The following PKHD1 variants were observed in gnomAD, a reference collection of about 807,000 sequenced individuals.
The protein encoded by PKHD1 is PKHD1 ciliary IPT domain containing fibrocystin/polyductin, also known as fibrocystin.
In PKHD1, 291 loss-of-function variants were observed where a neutral mutation model predicts 412.0. The ratio of observed to expected loss-of-function variants is 0.71; its 90% confidence interval spans 0.64 to 0.78. The LOEUF is 0.78. PKHD1 is among the 30% of genes least tolerant of loss of function. The probability of loss-of-function intolerance (pLI) is 0.00; values close to 1 mark genes in which losing one functional copy is unlikely to be tolerated. For missense variants in PKHD1, 4,825 were observed against 4,950.7 expected (o/e 0.97, Z 0.76); for synonymous variants, 1,777 against 1,821.5 (o/e 0.98, Z 0.62).
intron 53 of PKHD1, among the ~76,000 whole-genome samples, chr6:51,781,891 T>C (rs1792073301): frequency 6.6e-6 from 1 of 151,970 alleles, no homozygotes; most frequent in Non-Finnish European, 1.5e-5. Flanking sequence ...CTTATTTCAA[T>C]GGCCAGCCCA....
intron 29 of PKHD1, among the ~76,000 whole-genome samples, chr6:52,031,764 A>G (rs1275623520): frequency 4.6e-5 from 7 of 152,164 alleles, no homozygotes; most frequent in Non-Finnish European, 1.0e-4. Flanking sequence ...CATTCCCAAA[A>G]GGCTACGACA....
chr6:52,012,462 G>A (rs1349639835), intron 34 of PKHD1, among the ~76,000 whole-genome samples: 3 of 152,146 alleles, frequency 2.0e-5, no homozygotes, highest in Non-Finnish European at 2.9e-5. Context: ...AAATCCATTC[G>A]CTGATCCTTC....
In PKHD1 at chr6:52,065,032, C is replaced by G; in HGVS notation, c.899G>C (p.Arg300Thr). ...VTIAGIPCDI[R>T]HVSPRKIECT... is the part of the protein sequence containing the mutation. ...CTCAATCTTCCTGGGAGACACGTGT[C>G]TAATATCACATGGAATGCCTAAAGC... Residue 300 changes from arginine (R) to threonine (T), a missense_variant, in exon 13 of 67, where the codon AGA becomes ACA. Transcript: ENST00000371117. The G allele has an allele frequency of 6.3e-7, 1 of 1,592,136 alleles. No homozygotes were observed.
intron 53 of PKHD1, among the ~76,000 whole-genome samples, chr6:51,786,813 G>T (rs1193693603): frequency 6.6e-6 from 1 of 152,154 alleles, no homozygotes; most frequent in African/African-American, 2.4e-5. Context: ...TTGGCACATG[G>T]CAGACGCTGA....
intron 60 of PKHD1, among the ~76,000 whole-genome samples, chr6:51,666,926 T>C (rs191333529): frequency 0.045 from 6,844 of 151,810 alleles, 537 homozygotes; most frequent in African/African-American, 0.16. Context: ...TGCCACATTT[T>C]CTTAATCCAG....
At chr6:51,752,207 A>T (rs1369080528) in intron 57 of PKHD1, among the ~76,000 whole-genome samples, 1 of 152,176 alleles carries the variant, frequency 6.6e-6, no homozygotes, top group Non-Finnish European at 1.5e-5. Context: ...TGTCTCCATC[A>T]TCTAGAGCAG....
chr6:52,046,466 C>T (rs1399642066), intron 23 of PKHD1, among the ~76,000 whole-genome samples: 1 of 152,176 alleles, frequency 6.6e-6, no homozygotes, highest in East Asian at 1.9e-4. Flanking sequence ...ATAAAACCAT[C>T]TCAACTGTCA....
At chr6:51,696,068 T>C (rs1778768531) in intron 60 of PKHD1, among the ~76,000 whole-genome samples, 7 of 152,198 alleles carry the variant, frequency 4.6e-5, no homozygotes, top group Admixed American at 4.6e-4. Flanking sequence ...AATAAAAACT[T>C]CTTCTAAGAA....
chr6:51,688,666 C>A (rs527635088), intron 60 of PKHD1, among the ~76,000 whole-genome samples: 19 of 152,032 alleles, frequency 1.2e-4, no homozygotes, highest in African/African-American at 3.4e-4. Context: ...ACCACGGACC[C>A]CACAGATATA....
intron 46 of PKHD1, among the ~76,000 whole-genome samples, chr6:51,873,641 T>C (rs1776360140): frequency 6.6e-6 from 1 of 152,170 alleles, no homozygotes; most frequent in Admixed American, 6.5e-5. Context: ...TAGAGAAAGG[T>C]AACATAGAAG....
At chr6:51,867,391 TA>T (rs1348426164) in intron 48 of PKHD1, among the ~76,000 whole-genome samples, 1 of 152,040 alleles carries the variant, frequency 6.6e-6, no homozygotes, top group Non-Finnish European at 1.5e-5. Flanking sequence ...TTCATGAAAT[TA>T]ACAAGGAAAA....
intron 66 of PKHD1, among the ~76,000 whole-genome samples, chr6:51,626,290 C>T (rs568965195): frequency 2.6e-5 from 4 of 152,218 alleles, no homozygotes; most frequent in South Asian, 2.1e-4. Flanking sequence ...TGTTTTAAAA[C>T]GTTTCAGGCC....
chr6:51,850,500 C>A (rs765090085), intron 49 of PKHD1, among the ~76,000 whole-genome samples: 1 of 152,178 alleles, frequency 6.6e-6, no homozygotes. Context: ...GCCATTTTCA[C>A]GACATTGATT....
chr6:51,830,334 G>A (rs1252194010), intron 52 of PKHD1, among the ~76,000 whole-genome samples: 1 of 152,098 alleles, frequency 6.6e-6, no homozygotes, highest in Non-Finnish European at 1.5e-5. Context: ...GTGTATACTG[G>A]AAGATAGGTC....
At chr6:51,957,219 GA>G (rs1791284899) in intron 36 of PKHD1, among the ~76,000 whole-genome samples, 1 of 152,106 alleles carries the variant, frequency 6.6e-6, no homozygotes, top group Admixed American at 6.6e-5. Flanking sequence ...AATAGTGGCC[GA>G]AAATGTTGCT....
At chr6:51,890,970 A>G (rs1162280807) in intron 43 of PKHD1, among the ~76,000 whole-genome samples, 2 of 152,214 alleles carry the variant, frequency 1.3e-5, no homozygotes, top group African/African-American at 4.8e-5. Context: ...CAGTGCAGAC[A>G]GTAGGGCTAT....
intron 64 of PKHD1, among the ~76,000 whole-genome samples, chr6:51,637,533 G>A (rs1768737518): frequency 6.6e-6 from 1 of 151,796 alleles, no homozygotes; most frequent in Admixed American, 6.6e-5. Context: ...GGTTTAAATA[G>A]CATTTAAGAG....
chr6:51,831,923 C>G (rs1485457403), intron 51 of PKHD1, among the ~76,000 whole-genome samples: 2 of 152,064 alleles, frequency 1.3e-5, no homozygotes, highest in Non-Finnish European at 2.9e-5. Flanking sequence ...CTTGTTCTTT[C>G]CTGGGATGTG....
chr6:51,679,819 A>G (rs1776390125), intron 60 of PKHD1, among the ~76,000 whole-genome samples: 1 of 152,068 alleles, frequency 6.6e-6, no homozygotes, highest in African/African-American at 2.4e-5. Flanking sequence ...AGGAAAGGAA[A>G]TTAGCATTTT....
Sources: gnomAD v4.1 joint callset for allele counts (sites outside exome capture counted in the v4.1 genomes callset) on GRCh38, gnomAD v4.1.1 for gene constraint, MANE v1.5 for transcripts, NCBI Gene and HGNC (gene_info 2026-07-23, HGNC 2026-07-21) for gene names.